Variants in ZFHX3 observed in about 807,000 individuals in gnomAD.
ZFHX3 encodes the protein zinc finger homeobox protein 3.
ZFHX3 carries 42 observed loss-of-function variants against 279.1 expected under a neutral mutation model. That is an observed-to-expected ratio of 0.15 (90% CI 0.12 to 0.19). The LOEUF is 0.19. ZFHX3 is among the 10% of genes least tolerant of loss of function. The pLI, the probability that ZFHX3 is intolerant of heterozygous loss-of-function variation, is 1.00. For missense variants in ZFHX3, 4,981 were observed against 4,754.0 expected (o/e 1.05, Z -1.40); for synonymous variants, 2,293 against 1,957.8 (o/e 1.17, Z -4.52).
At chr16:73,307,166 G>A (rs979996276) in intron 4 of ZFHX3, among the ~76,000 whole-genome samples, 2 of 152,200 alleles carry the variant, frequency 1.3e-5, no homozygotes, top group South Asian at 2.1e-4. Context: ...AGTAGCTGAG[G>A]AGATAGCAGC....
rs1007778493 is a variant in ZFHX3 at position 73,091,581 on chromosome 16, T to C, written c.-533+1654A>G. On this transcript the variant is annotated intron_variant, in intron 8 of 17. Coordinates refer to the ZFHX3 transcript ENST00000641206. Reference sequence around the variant, plus strand: ...ACTGAGCCTTGCTCAATCCCATCTTTATCCTGTCAGTTTCCTCTGAGGACC... The same window carrying C: ...ACTGAGCCTTGCTCAATCCCATCTTCATCCTGTCAGTTTCCTCTGAGGACC... Among the ~76,000 whole-genome samples, 7 of 152,218 alleles carry C rather than the reference T, an allele frequency of 4.6e-5. No individual in the cohort carries two copies. In the South Asian group the frequency reaches 6.2e-4, roughly 13 times the overall value.
intron 3 of ZFHX3, among the ~76,000 whole-genome samples, chr16:73,397,216 A>G (rs2017149103): frequency 6.6e-6 from 1 of 152,240 alleles, no homozygotes; most frequent in Admixed American, 6.5e-5. Context: ...TGAGGAGGTG[A>G]CATTTATGAT....
rs2035908395 is a variant in ZFHX3 at position 72,796,478 on chromosome 16, G to C, written c.6204C>G (p.Ala2068=). The C allele has an allele frequency of 1.9e-6, 3 of 1,608,396 alleles. No homozygotes were observed. The highest frequency in any genetic ancestry group is 2.5e-6 in the Non-Finnish European group (3 of 1,179,822). The change falls in exon 9 of 10, where the codon GCC becomes GCG. Residue 2068 remains alanine, a synonymous_variant. Transcript: ENST00000268489. ...PASTPAIPAS[A]PPITSPTIAP... ...CAATTGTAGGTGAGGTGATGGGTGG[G>C]GCTGATGCGGGGATGGCTGGTGTGG...
chr16:72,955,228 A>G (rs1961197318), intron 2 of ZFHX3, among the ~76,000 whole-genome samples: 1 of 152,176 alleles, frequency 6.6e-6, no homozygotes, highest in South Asian at 2.1e-4. Flanking sequence ...AAGTAGTGAC[A>G]CTGGAAATTC....
At chr16:73,164,275 G>T (rs2144859214) in intron 5 of ZFHX3, among the ~76,000 whole-genome samples, 1 of 152,316 alleles carries the variant, frequency 6.6e-6, no homozygotes, top group African/African-American at 2.4e-5. Context: ...ATAAGGCTAT[G>T]TTTAAATCCT....
intron 2 of ZFHX3, among the ~76,000 whole-genome samples, chr16:73,560,320 A>C (rs705891): frequency 0.36 from 54,479 of 151,960 alleles, 10,838 homozygotes; most frequent in Non-Finnish European, 0.46. Flanking sequence ...GGAGGAAGCA[A>C]AAAAGGACCC....
chr16:73,762,155 A>T (rs2142282844), intron 1 of ZFHX3, among the ~76,000 whole-genome samples: 1 of 152,172 alleles, frequency 6.6e-6, no homozygotes, highest in South Asian at 2.1e-4. Flanking sequence ...AAACAACACC[A>T]TTAAAAAGTA....
chr16:73,152,814 A>AG (rs1227361380), intron 5 of ZFHX3, among the ~76,000 whole-genome samples: 12 of 56,878 alleles, frequency 2.1e-4, no homozygotes, highest in African/African-American at 7.7e-4. Flanking sequence ...AGGGGAGAGA[A>AG]GGGGGCTGGG....
At chr16:73,488,742 T>C (rs1490803883) in intron 2 of ZFHX3, among the ~76,000 whole-genome samples, 1 of 152,210 alleles carries the variant, frequency 6.6e-6, no homozygotes, top group African/African-American at 2.4e-5. Context: ...CAGACATTAC[T>C]TTTCTATTTT....
chr16:73,249,917 C>T (rs985542397), intron 5 of ZFHX3, among the ~76,000 whole-genome samples: 21 of 151,958 alleles, frequency 1.4e-4, no homozygotes, highest in African/African-American at 2.4e-4. Flanking sequence ...GGACCATTCC[C>T]GCAACTACCA....
chr16:73,251,879 A>AC (rs1449210129), intron 5 of ZFHX3, among the ~76,000 whole-genome samples: 47 of 137,864 alleles, frequency 3.4e-4, no homozygotes, highest in African/African-American at 1.3e-3. Context: ...CACCATGCAC[A>AC]CACACCACAC....
intron 2 of ZFHX3, among the ~76,000 whole-genome samples, chr16:73,557,463 G>C (rs1021264800): frequency 6.6e-6 from 1 of 152,162 alleles, no homozygotes; most frequent in Non-Finnish European, 1.5e-5. Flanking sequence ...TGGCTGCTCC[G>C]TAGACAGAGC....
chr16:73,244,571 T>G (rs1418113088), intron 5 of ZFHX3, among the ~76,000 whole-genome samples: 1 of 151,768 alleles, frequency 6.6e-6, no homozygotes, highest in Non-Finnish European at 1.5e-5. Flanking sequence ...ATGCCAAAGG[T>G]GAAAATGACA....
chr16:73,783,527 C>A (rs1959542701), intron 1 of ZFHX3, among the ~76,000 whole-genome samples: 1 of 152,130 alleles, frequency 6.6e-6, no homozygotes, highest in Non-Finnish European at 1.5e-5. Flanking sequence ...CTTTTTTAAC[C>A]TGGAAAAACC....
intron 3 of ZFHX3, among the ~76,000 whole-genome samples, chr16:73,378,737 C>G (rs999935126): frequency 6.6e-6 from 1 of 152,180 alleles, no homozygotes; most frequent in Non-Finnish European, 1.5e-5. Context: ...TATTCCTCCC[C>G]CCATGCTTTG....
chr16:73,444,518 C>T (rs1156843041), intron 3 of ZFHX3, among the ~76,000 whole-genome samples: 3 of 152,294 alleles, frequency 2.0e-5, no homozygotes, highest in African/African-American at 4.8e-5. Flanking sequence ...AAATGGGATG[C>T]ATTTGTAAGT....
intron 1 of ZFHX3, among the ~76,000 whole-genome samples, chr16:73,707,125 T>C (rs557748712): frequency 1.3e-5 from 2 of 152,344 alleles, no homozygotes; most frequent in African/African-American, 4.8e-5. Flanking sequence ...ATTCAACTTA[T>C]TTGAAGTCAT....
chr16:73,627,644 C>T (rs538038733), intron 2 of ZFHX3, among the ~76,000 whole-genome samples: 70 of 152,336 alleles, frequency 4.6e-4, no homozygotes, highest in Non-Finnish European at 7.8e-4. Context: ...TTGGGGTGGG[C>T]GCAGTGGCTC....
At chr16:73,616,786 T>C (rs941734805) in intron 2 of ZFHX3, among the ~76,000 whole-genome samples, 1 of 152,200 alleles carries the variant, frequency 6.6e-6, no homozygotes, top group South Asian at 2.1e-4. Flanking sequence ...CTTAGTTTCA[T>C]TTTAAACAAC....
Sources: allele counts gnomAD v4.1 joint callset (sites outside exome capture counted in the v4.1 genomes callset), GRCh38; gene constraint gnomAD v4.1.1; transcripts MANE v1.5; gene names NCBI Gene and HGNC (gene_info 2026-07-23, HGNC 2026-07-21).